Variants in DCC observed in about 807,000 individuals in gnomAD.
DCC encodes DCC netrin 1 receptor, also known as netrin receptor DCC.
DCC carries 58 observed loss-of-function variants against 172.5 expected under a neutral mutation model. The observed-to-expected ratio is 0.34, with a 90% confidence interval of 0.27 to 0.42. The LOEUF (loss-of-function observed/expected upper bound fraction) is 0.42, where lower values mean the gene tolerates loss of function less well. DCC is among the 10% of genes least tolerant of loss of function. The probability of loss-of-function intolerance (pLI) is 1.00; values close to 1 mark genes in which losing one functional copy is unlikely to be tolerated. For synonymous variants in DCC, 709 were observed against 644.5 expected (o/e 1.10, Z -1.52); for missense variants, 1,740 against 1,791.0 (o/e 0.97, Z 0.51).
At position 53,533,701 on chromosome 18, in the gene DCC, C is replaced by T. The variant is rs1394049171; in HGVS notation, c.*3048C>T. Reference sequence around the variant, plus strand: ...CCTCTTTGAATAACAGAGATATAAGCTTCTAGAATATTTAAATAATGAAGT... The same window carrying T: ...CCTCTTTGAATAACAGAGATATAAGTTTCTAGAATATTTAAATAATGAAGT... On this transcript the variant is annotated 3_prime_UTR_variant, in exon 29 of 29. Coordinates refer to ENST00000442544, the MANE Select transcript of DCC (RefSeq NM_005215.4). 2 of 151,964 alleles carry T rather than the reference C, an allele frequency of 1.3e-5. No individual in the cohort carries two copies. The highest frequency in any genetic ancestry group is 2.9e-5 in the Non-Finnish European group (2 of 68,006). 9.4% of individuals were successfully genotyped at this position (151,964 alleles called of 1,614,324 possible). A position where few individuals can be genotyped will look rare whatever the true frequency, so the allele number is the denominator to read the frequency against.
At chr18:53,434,385 C>G (rs958362800) in intron 21 of DCC, among the ~76,000 whole-genome samples, 4 of 152,026 alleles carry the variant, frequency 2.6e-5, no homozygotes, top group Non-Finnish European at 5.9e-5. Context: ...TATGAATGCA[C>G]CAGTAGAGAA....
intron 5 of DCC, among the ~76,000 whole-genome samples, chr18:53,013,917 A>T (rs982491684): frequency 3.3e-5 from 5 of 152,154 alleles, no homozygotes; most frequent in Non-Finnish European, 7.4e-5. Context: ...TTCAACGAAC[A>T]CAACAATAAC....
rs573757260 is a variant in DCC, at chr18:53,478,009, G to A, written c.3737-8788G>A. ...TTAATTACAAAAAAGTCAGAACAGA[G>A]ACTGGAAGATAGGAGATTTATTGGC... On this transcript the variant is annotated intron_variant, in intron 25 of 28. Coordinates refer to ENST00000442544, the MANE Select transcript of DCC (RefSeq NM_005215.4). Among the ~76,000 whole-genome samples the A allele has an allele frequency of 9.2e-5, 14 of 152,334 alleles. No homozygotes were observed. In the East Asian group the frequency reaches 2.5e-3, roughly 27 times the overall value.
chr18:52,646,164 G>A lies in DCC; in HGVS notation c.92-105890G>A, dbSNP rs182087703. The stretch of plus-strand genomic sequence containing the variant: ...GAGTCTCAGTTTCCTGACTGGGCAC[G>A]GAGTAACCCTGCATGCATTGTTTTA... On this transcript the variant is annotated intron_variant, in intron 1 of 28. Transcript: ENST00000442544. 7.9e-5 allele frequency among the ~76,000 whole-genome samples: 12 copies of A among 152,240 alleles called. 1 individual carries two copies. In the South Asian group the frequency reaches 1.7e-3, roughly 21 times the overall value.
At chr18:53,166,090 A>T (rs1275856235) in intron 8 of DCC, among the ~76,000 whole-genome samples, 1 of 152,100 alleles carries the variant, frequency 6.6e-6, no homozygotes, top group African/African-American at 2.4e-5. Flanking sequence ...GGAGCAGCAG[A>T]GAGAACTTTG....
At chr18:53,124,735 G>A (rs1461976425) in intron 7 of DCC, among the ~76,000 whole-genome samples, 1 of 152,026 alleles carries the variant, frequency 6.6e-6, no homozygotes, top group African/African-American at 2.4e-5. Flanking sequence ...GGAAGCTAAG[G>A]CAGGTGGATC....
At chr18:53,072,731 C>T (rs2042672557) in intron 7 of DCC, among the ~76,000 whole-genome samples, 1 of 152,014 alleles carries the variant, frequency 6.6e-6, no homozygotes, top group African/African-American at 2.4e-5. Flanking sequence ...TAGATATTTC[C>T]CAAAATGTTG....
At chr18:52,885,817 A>G (rs140076772) in intron 2 of DCC, among the ~76,000 whole-genome samples, 14 of 152,182 alleles carry the variant, frequency 9.2e-5, no homozygotes, top group Non-Finnish European at 1.6e-4. Context: ...TTGGCATACT[A>G]ACTTGACATC....
At chr18:53,352,000 G>A (rs545911197) in intron 15 of DCC, among the ~76,000 whole-genome samples, 3 of 151,896 alleles carry the variant, frequency 2.0e-5, no homozygotes, top group Admixed American at 6.6e-5. Flanking sequence ...GATAAATATT[G>A]TAATAAACAG....
chr18:53,277,608 C>T (rs905318078), intron 12 of DCC, among the ~76,000 whole-genome samples: 13 of 152,074 alleles, frequency 8.5e-5, no homozygotes, highest in African/African-American at 3.1e-4. Flanking sequence ...TTTGATAATA[C>T]AGTTAAGCAG....
chr18:52,793,318 G>C (rs910817918), intron 2 of DCC, among the ~76,000 whole-genome samples: 6 of 152,234 alleles, frequency 3.9e-5, no homozygotes, highest in Non-Finnish European at 8.8e-5. Context: ...GTTCCTGCTG[G>C]CATTCACTTC....
chr18:52,984,286 T>G (rs1311297759), intron 5 of DCC, among the ~76,000 whole-genome samples: 2 of 152,110 alleles, frequency 1.3e-5, no homozygotes, highest in Non-Finnish European at 2.9e-5. Flanking sequence ...ATAGATAAAT[T>G]TCATCCTTTG....
intron 5 of DCC, among the ~76,000 whole-genome samples, chr18:52,967,179 A>G (rs1418482524): frequency 1.3e-5 from 2 of 152,308 alleles, no homozygotes; most frequent in East Asian, 3.9e-4. Context: ...AAAAAACCAC[A>G]CAATTTATTA....
At chr18:52,579,453 C>T (rs137869938) in intron 1 of DCC, among the ~76,000 whole-genome samples, 28 of 152,292 alleles carry the variant, frequency 1.8e-4, no homozygotes, top group African/African-American at 6.7e-4. Flanking sequence ...AAGACTAGAA[C>T]AGTCTTTTTT....
chr18:52,688,564 C>T (rs746967946), intron 1 of DCC, among the ~76,000 whole-genome samples: 12 of 151,968 alleles, frequency 7.9e-5, no homozygotes, highest in Non-Finnish European at 1.6e-4. Flanking sequence ...ATCTGATGCA[C>T]AACATGAGGA....
At chr18:52,408,617 T>A (rs770423322) in intron 1 of DCC, among the ~76,000 whole-genome samples, 1 of 152,116 alleles carries the variant, frequency 6.6e-6, no homozygotes, top group Non-Finnish European at 1.5e-5. Flanking sequence ...TAATGCAGTT[T>A]GGATGTATAG....
chr18:52,893,710 T>G (rs1887218124), intron 2 of DCC, among the ~76,000 whole-genome samples: 1 of 152,172 alleles, frequency 6.6e-6, no homozygotes, highest in Admixed American at 6.6e-5. Context: ...CACAAGTTGT[T>G]ACATAACATG....
At chr18:52,588,787 C>G (rs1193537174) in intron 1 of DCC, among the ~76,000 whole-genome samples, 2 of 151,874 alleles carry the variant, frequency 1.3e-5, no homozygotes, top group Non-Finnish European at 2.9e-5. Context: ...AGTCTTAGAC[C>G]ATTTCCTGAC....
intron 1 of DCC, among the ~76,000 whole-genome samples, chr18:52,578,916 G>A (rs141386352): frequency 6.6e-6 from 1 of 152,266 alleles, no homozygotes; most frequent in East Asian, 1.9e-4. Flanking sequence ...AGGAGGTGGA[G>A]GTTGCAGTGA....
Sources: gnomAD v4.1 joint callset for allele counts (sites outside exome capture counted in the v4.1 genomes callset) on GRCh38, gnomAD v4.1.1 for gene constraint, MANE v1.5 for transcripts, NCBI Gene and HGNC (gene_info 2026-07-23, HGNC 2026-07-21) for gene names.